Variants in ZNRF1 observed in about 807,000 individuals in gnomAD.
The protein encoded by ZNRF1 is E3 ubiquitin-protein ligase ZNRF1.
ZNRF1 carries 3 observed loss-of-function variants against 18.4 expected under a neutral mutation model. The ratio of observed to expected loss-of-function variants is 0.16; its 90% confidence interval spans 0.07 to 0.42. The LOEUF (loss-of-function observed/expected upper bound fraction) is 0.42. ZNRF1 is among the 10% of genes least tolerant of loss of function. ZNRF1 has a pLI of 0.99. For synonymous variants in ZNRF1, 157 were observed against 144.2 expected, an observed-to-expected ratio of 1.09 and a Z score of -0.64; for missense variants, 310 against 329.8, an observed-to-expected ratio of 0.94 and a Z score of 0.47.
intron 1 of ZNRF1, among the ~76,000 whole-genome samples, chr16:75,016,445 G>T (rs939178858): frequency 6.6e-6 from 1 of 151,786 alleles, no homozygotes; most frequent in Non-Finnish European, 1.5e-5. Flanking sequence ...TCACCATGTT[G>T]GCCAGGCTGG....
chr16:75,001,297 GT>G (rs1317525192), intron 1 of ZNRF1, among the ~76,000 whole-genome samples: 1 of 152,146 alleles, frequency 6.6e-6, no homozygotes, highest in Non-Finnish European at 1.5e-5. Context: ...ATAGCCTGGG[GT>G]TTGTTTTCAT....
At chr16:75,083,285 C>G (rs777131460) in intron 1 of ZNRF1, among the ~76,000 whole-genome samples, 1 of 152,196 alleles carries the variant, frequency 6.6e-6, no homozygotes, top group African/African-American at 2.4e-5. Flanking sequence ...CACATCCATC[C>G]TTGGTTGGAC....
chr16:75,084,921 G>A lies in ZNRF1; in HGVS notation c.425-8651G>A, dbSNP rs114023319. Among the ~76,000 whole-genome samples the A allele has an allele frequency of 6.9e-3, 1,044 of 152,284 alleles. 8 individuals carry two copies. Among genetic ancestry groups the A allele is most frequent in the African/African-American group, 0.024 (1,000 of 41,558 alleles). ...AAAAGTTGGAAGAAGTTTAACTTATGCATCTTTGTTTCTGTTCATTTCATT... is the reference window on the plus strand; with the variant it reads ...AAAAGTTGGAAGAAGTTTAACTTATACATCTTTGTTTCTGTTCATTTCATT... On this transcript the variant is annotated intron_variant, in intron 1 of 4. Transcript: ENST00000335325.
At chr16:75,080,427 C>G (rs2035995707) in intron 1 of ZNRF1, among the ~76,000 whole-genome samples, 1 of 152,158 alleles carries the variant, frequency 6.6e-6, no homozygotes, top group Non-Finnish European at 1.5e-5. Context: ...GCTGGTGAGT[C>G]AGATGCTGTG....
At chr16:75,018,847 T>C (rs2035105752) in intron 1 of ZNRF1, among the ~76,000 whole-genome samples, 1 of 152,166 alleles carries the variant, frequency 6.6e-6, no homozygotes, top group African/African-American at 2.4e-5. Flanking sequence ...CATAATTTTG[T>C]TATACTGTCT....
intron 1 of ZNRF1, among the ~76,000 whole-genome samples, chr16:75,018,667 TTC>T (rs1211271125): frequency 6.6e-6 from 1 of 152,236 alleles, no homozygotes; most frequent in African/African-American, 2.4e-5. Flanking sequence ...GCTTTCTCCT[TTC>T]AGTTGTAAAT....
At chr16:75,024,289 C>T (rs958515021) in intron 1 of ZNRF1, among the ~76,000 whole-genome samples, 11 of 152,180 alleles carry the variant, frequency 7.2e-5, no homozygotes, top group African/African-American at 2.7e-4. Context: ...TCGGAGTTTA[C>T]TGTTAAGAGA....
chr16:75,083,733 G>T (rs1056860040), intron 1 of ZNRF1, among the ~76,000 whole-genome samples: 1 of 152,144 alleles, frequency 6.6e-6, no homozygotes, highest in Non-Finnish European at 1.5e-5. Flanking sequence ...AGCCAAGCAT[G>T]GGGGAGGCAG....
chr16:75,104,106 A>G (rs1299317205), intron 2 of ZNRF1: 2 of 152,262 alleles, frequency 1.3e-5, no homozygotes, highest in Non-Finnish European at 2.9e-5. Flanking sequence ...TATTCTGGAC[A>G]TTTCATATAA....
intron 1 of ZNRF1, among the ~76,000 whole-genome samples, chr16:75,003,022 C>G (rs1347760973): frequency 6.6e-6 from 1 of 152,226 alleles, no homozygotes; most frequent in African/African-American, 2.4e-5. Context: ...GGTGCGACCT[C>G]TGCTCACTGC....
At chr16:75,028,708 C>A (rs1039581581) in intron 1 of ZNRF1, among the ~76,000 whole-genome samples, 2 of 152,272 alleles carry the variant, frequency 1.3e-5, no homozygotes, top group East Asian at 3.8e-4. Context: ...GCCCTCATCA[C>A]TCAATTGAAA....
At position 75,056,428 on chromosome 16, in the gene ZNRF1, T is replaced by C. The variant is rs190620222; in HGVS notation, c.425-37144T>C. ...ATAGGTTTAAAAGTGAGGTATAAGA[T>C]TATGTATGATGTTGATGTTATGTGT... is the stretch of plus-strand genomic sequence containing the variant. On this transcript the variant is annotated intron_variant, in intron 1 of 4. Transcript: ENST00000335325. Among the ~76,000 whole-genome samples the C allele has an allele frequency of 6.3e-4, 96 of 152,272 alleles. 1 individual carries two copies. Among genetic ancestry groups the C allele is most frequent in the Non-Finnish European group, 1.1e-3 (76 of 68,016 alleles).
chr16:75,027,195 C>G (rs1176180142), intron 1 of ZNRF1, among the ~76,000 whole-genome samples: 1 of 151,332 alleles, frequency 6.6e-6, no homozygotes, highest in Non-Finnish European at 1.5e-5. Context: ...TGCATGAGCC[C>G]AGGAGGTCAA....
intron 1 of ZNRF1, among the ~76,000 whole-genome samples, chr16:75,059,595 G>A (rs1036648155): frequency 2.9e-4 from 44 of 152,100 alleles, no homozygotes; most frequent in Admixed American, 7.2e-4. Context: ...CTCAGATCTC[G>A]TAGGAACCGG....
chr16:75,045,315 T>C (rs900007759), intron 1 of ZNRF1, among the ~76,000 whole-genome samples: 1 of 152,178 alleles, frequency 6.6e-6, no homozygotes, highest in Non-Finnish European at 1.5e-5. Context: ...ATTTGCATTA[T>C]GGTTTTTTGT....
rs898027085 is a variant in ZNRF1, at chr16:75,110,859, C to T, written c.*3159C>T. ...GGCTGGAAGGGGAGGGGCGAGAGGGCTGTCTCGGTGATGAGCACACGCGTG... is the reference window on the plus strand; with the variant it reads ...GGCTGGAAGGGGAGGGGCGAGAGGGTTGTCTCGGTGATGAGCACACGCGTG... On this transcript the variant is annotated 3_prime_UTR_variant, in exon 5 of 5. Coordinates refer to ENST00000335325, the MANE Select transcript of ZNRF1 (RefSeq NM_032268.5). The T allele has an allele frequency of 1.3e-5, 2 of 152,234 alleles. No homozygotes were observed. The highest frequency in any genetic ancestry group is 2.9e-5 in the Non-Finnish European group (2 of 68,208). 9.4% of individuals were successfully genotyped at this position (152,234 alleles called of 1,614,324 possible).
chr16:75,079,078 A>G (rs983278777), intron 1 of ZNRF1, among the ~76,000 whole-genome samples: 8 of 152,210 alleles, frequency 5.3e-5, no homozygotes, highest in African/African-American at 1.7e-4. Context: ...AAGAAAAGCA[A>G]TATGGTAGCA....
In ZNRF1 at chr16:75,107,882, A is replaced by C. The variant is rs1272150689; in HGVS notation, c.*182A>C. 1 of 440,538 alleles carries C rather than the reference A, an allele frequency of 2.3e-6. No homozygotes were observed. The highest frequency in any genetic ancestry group is 7.2e-5 in the East Asian group (1 of 13,968). The allele number at this position is 440,538 out of a possible 1,614,324, so 27.3% of individuals were successfully genotyped here. A position where few individuals can be genotyped will look rare whatever the true frequency, so the allele number is the denominator to read the frequency against. On this transcript the variant is annotated 3_prime_UTR_variant, in exon 5 of 5. Coordinates refer to ENST00000335325, the MANE Select transcript of ZNRF1 (RefSeq NM_032268.5). ...CCCTGAGGACACCAAATTGGATGAGAGCAAGTTTGAGAGAAGAATGAATCA... is the reference window on the plus strand; with the variant it reads ...CCCTGAGGACACCAAATTGGATGAGCGCAAGTTTGAGAGAAGAATGAATCA...
intron 1 of ZNRF1, among the ~76,000 whole-genome samples, chr16:75,075,638 C>G (rs1054576641): frequency 2.0e-5 from 3 of 152,156 alleles, no homozygotes; most frequent in African/African-American, 7.2e-5. Flanking sequence ...TTTTCAAGAG[C>G]CCATCATATG....
Sources: gnomAD v4.1 joint callset for allele counts (sites outside exome capture counted in the v4.1 genomes callset) on GRCh38, gnomAD v4.1.1 for gene constraint, MANE v1.5 for transcripts, NCBI Gene and HGNC (gene_info 2026-07-23, HGNC 2026-07-21) for gene names.